Variants in MAGI3 observed in about 807,000 individuals in gnomAD.
MAGI3 encodes the protein membrane-associated guanylate kinase, WW and PDZ domain-containing protein 3.
Under a neutral mutation model 121.8 loss-of-function variants are expected in MAGI3, and 43 were observed. That is an observed-to-expected ratio of 0.35 (90% CI 0.28 to 0.46). The LOEUF is 0.46. MAGI3 is among the 20% of genes least tolerant of loss of function. The pLI is 1.00. For missense variants in MAGI3, 1,547 were observed against 1,797.3 expected, an observed-to-expected ratio of 0.86 and a Z score of 2.52; for synonymous variants, 553 against 639.3, an observed-to-expected ratio of 0.86 and a Z score of 2.04.
At chr1:113,549,043 G>T (rs926013493) in intron 1 of MAGI3, among the ~76,000 whole-genome samples, 27 of 152,130 alleles carry the variant, frequency 1.8e-4, no homozygotes, top group Non-Finnish European at 3.1e-4. Context: ...GAAACATTGG[G>T]GGCAGATGGA....
At chr1:113,524,157 A>G (rs1315117619) in intron 1 of MAGI3, among the ~76,000 whole-genome samples, 1 of 152,224 alleles carries the variant, frequency 6.6e-6, no homozygotes, top group African/African-American at 2.4e-5. Flanking sequence ...CAGAGGATTT[A>G]TGGAAATGCT....
At chr1:113,546,239 G>A (rs751839168) in intron 1 of MAGI3, among the ~76,000 whole-genome samples, 2 of 152,082 alleles carry the variant, frequency 1.3e-5, no homozygotes, top group African/African-American at 2.4e-5. Context: ...TTTCATAATT[G>A]ATATTTCTTT....
At chr1:113,463,233 C>T (rs1188378180) in intron 1 of MAGI3, among the ~76,000 whole-genome samples, 2 of 151,680 alleles carry the variant, frequency 1.3e-5, no homozygotes, top group Non-Finnish European at 2.9e-5. Flanking sequence ...GAAGAGAGGT[C>T]TAGACTAGAG....
At chr1:113,457,023 G>C (rs1654794017) in intron 1 of MAGI3, among the ~76,000 whole-genome samples, 2 of 152,188 alleles carry the variant, frequency 1.3e-5, no homozygotes, top group Admixed American at 1.3e-4. Flanking sequence ...GAATAGGTAT[G>C]AATTAATATG....
chr1:113,585,564 A>T lies in MAGI3; in HGVS notation c.731A>T (p.Asp244Val), dbSNP rs148694155. 6.2e-7 allele frequency: 1 copy of T among 1,614,042 alleles called. No homozygotes were observed. The highest frequency in any genetic ancestry group is 1.3e-5 in the African/African-American group (1 of 74,944). Reference protein sequence around the residue: ...SSLPEEEEDEDKEAINGSGNA... With the variant: ...SSLPEEEEDEVKEAINGSGNA... ...CTTCCTGAAGAGGAAGAAGATGAGG[A>T]CAAGGAAGCTATTAATGGCAGTGGA... The change falls in exon 4 of 21, where the codon GAC (aspartate) becomes GTC (valine). Residue 244 changes from aspartate (D) to valine (V), a missense_variant. Coordinates refer to ENST00000307546, the MANE Select transcript of MAGI3 (RefSeq NM_001142782.2).
At chr1:113,555,789 G>A (rs1659964380) in intron 2 of MAGI3, among the ~76,000 whole-genome samples, 1 of 151,948 alleles carries the variant, frequency 6.6e-6, no homozygotes, top group African/African-American at 2.4e-5. Flanking sequence ...TGTAGTCCTA[G>A]CTACTCGAGA....
intron 2 of MAGI3, among the ~76,000 whole-genome samples, chr1:113,559,519 C>T (rs932328963): frequency 5.9e-5 from 9 of 152,016 alleles, no homozygotes; most frequent in Admixed American, 2.6e-4. Flanking sequence ...GCCAACTACC[C>T]TAAATATATA....
chr1:113,533,410 G>A (rs1408961037), intron 1 of MAGI3, among the ~76,000 whole-genome samples: 1 of 152,072 alleles, frequency 6.6e-6, no homozygotes, highest in Non-Finnish European at 1.5e-5. Context: ...AAAGAGGAGA[G>A]CAATAGACCC....
chr1:113,572,540 G>T (rs969569929), intron 2 of MAGI3, among the ~76,000 whole-genome samples: 2 of 152,102 alleles, frequency 1.3e-5, no homozygotes, highest in African/African-American at 4.8e-5. Context: ...TTTTTGGTTG[G>T]TAGGCTATTA....
intron 16 of MAGI3, among the ~76,000 whole-genome samples, chr1:113,659,773 G>T (rs1653684752): frequency 6.6e-6 from 1 of 152,172 alleles, no homozygotes; most frequent in Admixed American, 6.5e-5. Context: ...AACACATACT[G>T]GCAGCCGTGG....
At chr1:113,536,686 G>C (rs184032806) in intron 1 of MAGI3, among the ~76,000 whole-genome samples, 56 of 151,904 alleles carry the variant, frequency 3.7e-4, no homozygotes, top group East Asian at 2.3e-3. Context: ...GTTGGTTCCA[G>C]CTAACATGAC....
chr1:113,589,921 A>G (rs1342767343), intron 4 of MAGI3, among the ~76,000 whole-genome samples: 1 of 152,122 alleles, frequency 6.6e-6, no homozygotes, highest in Non-Finnish European at 1.5e-5. Flanking sequence ...TTTAAAAATT[A>G]CTATTATTTA....
chr1:113,667,518 A>G (rs1647240853), intron 16 of MAGI3, among the ~76,000 whole-genome samples: 1 of 152,232 alleles, frequency 6.6e-6, no homozygotes, highest in Admixed American at 6.5e-5. Flanking sequence ...GGCTTATGGA[A>G]ATACTGTGGC....
At chr1:113,486,211 G>A (rs927106737) in intron 1 of MAGI3, among the ~76,000 whole-genome samples, 9 of 152,102 alleles carry the variant, frequency 5.9e-5, no homozygotes, top group African/African-American at 2.2e-4. Flanking sequence ...AATGATGGTG[G>A]TATTTTGATA....
intron 1 of MAGI3, among the ~76,000 whole-genome samples, chr1:113,534,971 G>A (rs926843893): frequency 6.6e-6 from 1 of 152,086 alleles, no homozygotes; most frequent in African/African-American, 2.4e-5. Flanking sequence ...CAGGGTAGAG[G>A]AACCAGTTCT....
At chr1:113,555,597 G>T (rs1362352914) in intron 2 of MAGI3, among the ~76,000 whole-genome samples, 5 of 152,000 alleles carry the variant, frequency 3.3e-5, no homozygotes, top group Admixed American at 3.3e-4. Flanking sequence ...GATTTAAGAG[G>T]ATTTAGACTT....
At chr1:113,576,934 A>G (rs190436848) in intron 2 of MAGI3, 225 of 152,344 alleles carry the variant, frequency 1.5e-3, no homozygotes, top group African/African-American at 5.3e-3. Context: ...GAAAAATCTT[A>G]TAAGCCTCAT....
chr1:113,644,006 A>G (rs1445819806), intron 11 of MAGI3, among the ~76,000 whole-genome samples: 1 of 152,242 alleles, frequency 6.6e-6, no homozygotes, highest in East Asian at 1.9e-4. Flanking sequence ...CTAAAGGCCT[A>G]TTGTACCAAT....
intron 6 of MAGI3, among the ~76,000 whole-genome samples, chr1:113,595,935 G>A (rs1648973093): frequency 6.6e-6 from 1 of 152,110 alleles, no homozygotes; most frequent in African/African-American, 2.4e-5. Flanking sequence ...GGAGGCTGAG[G>A]TGAGAAGATC....
Sources: allele counts gnomAD v4.1 joint callset (sites outside exome capture counted in the v4.1 genomes callset), GRCh38; gene constraint gnomAD v4.1.1; transcripts MANE v1.5; gene names NCBI Gene and HGNC (gene_info 2026-07-23, HGNC 2026-07-21).